The following ALPK1 variants were observed in gnomAD, a reference collection of about 807,000 sequenced individuals.
The protein encoded by ALPK1 is alpha-protein kinase 1.
A neutral mutation model predicts 120.6 loss-of-function variants in ALPK1; 110 were observed. The observed-to-expected ratio is 0.91, with a 90% CI of 0.78 to 1.07. The LOEUF (loss-of-function observed/expected upper bound fraction) is 1.07. ALPK1 is among the 50% of genes least tolerant of loss of function. The probability of loss-of-function intolerance (pLI) is 0.00; values close to 1 mark genes in which losing one functional copy is unlikely to be tolerated. For missense variants in ALPK1, 1,498 were observed against 1,483.9 expected, an observed-to-expected ratio of 1.01 and a Z score of -0.16; for synonymous variants, 582 against 560.3, an observed-to-expected ratio of 1.04 and a Z score of -0.55.
intron 2 of ALPK1, chr4:112,358,520 G>T (rs2148715284): frequency 1.5e-6 from 1 of 677,856 alleles, no homozygotes; most frequent in South Asian, 1.6e-5. Context: ...AGCTGCTGGG[G>T]ACCCGGAGGG....
chr4:112,346,896 G>A (rs765230968), intron 2 of ALPK1, among the ~76,000 whole-genome samples: 1 of 152,080 alleles, frequency 6.6e-6, no homozygotes, highest in African/African-American at 2.4e-5. Context: ...CATAAATAAC[G>A]ACCCCACTTC....
At chr4:112,387,689 A>G (rs1306614240) in intron 4 of ALPK1, among the ~76,000 whole-genome samples, 4 of 152,192 alleles carry the variant, frequency 2.6e-5, no homozygotes, top group African/African-American at 9.7e-5. Context: ...CATAATAATA[A>G]TAATAATAAA....
At chr4:112,332,574 G>A (rs562676840) in intron 2 of ALPK1, among the ~76,000 whole-genome samples, 20 of 152,314 alleles carry the variant, frequency 1.3e-4, no homozygotes, top group African/African-American at 4.8e-4. Flanking sequence ...AAATGATCAA[G>A]GTCCCTGAAT....
chr4:112,369,650 T>G (rs1452083279), intron 2 of ALPK1, among the ~76,000 whole-genome samples: 1 of 151,760 alleles, frequency 6.6e-6, no homozygotes, highest in Admixed American at 6.6e-5. Context: ...ACCACTCCAC[T>G]CCAGCCTGGG....
At chr4:112,360,005 A>G (rs1165545280) in intron 2 of ALPK1, among the ~76,000 whole-genome samples, 1 of 152,094 alleles carries the variant, frequency 6.6e-6, no homozygotes, top group African/African-American at 2.4e-5. Flanking sequence ...ACCAGATACA[A>G]CAGACCTCTT....
At chr4:112,413,697 G>A (rs1182955825) in intron 5 of ALPK1, among the ~76,000 whole-genome samples, 3 of 152,204 alleles carry the variant, frequency 2.0e-5, no homozygotes, top group Admixed American at 1.3e-4. Flanking sequence ...GGGATTACAG[G>A]TGCAAGCTGC....
intron 2 of ALPK1, among the ~76,000 whole-genome samples, chr4:112,334,349 C>A (rs1381288497): frequency 6.6e-6 from 1 of 151,026 alleles, no homozygotes; most frequent in East Asian, 2.0e-4. Context: ...ATAAGAATCG[C>A]TTGAACCTGG....
chr4:112,414,624 G>C (rs1348523435), intron 5 of ALPK1: 1 of 177,840 alleles, frequency 5.6e-6, no homozygotes, highest in Non-Finnish European at 1.2e-5. Flanking sequence ...AAAAAAAAGA[G>C]AGACGACTCA....
chr4:112,325,666 C>T (rs1348930051), intron 2 of ALPK1, among the ~76,000 whole-genome samples: 1 of 152,142 alleles, frequency 6.6e-6, no homozygotes, highest in East Asian at 1.9e-4. Context: ...GCCTCCCTGC[C>T]CCACTTTGTC....
chr4:112,408,211 G>A (rs181047274), intron 4 of ALPK1, among the ~76,000 whole-genome samples: 52 of 152,240 alleles, frequency 3.4e-4, no homozygotes, highest in African/African-American at 1.2e-3. Flanking sequence ...TACCCCCCAA[G>A]GTCCATAGCC....
intron 2 of ALPK1, among the ~76,000 whole-genome samples, chr4:112,322,874 C>G (rs1384854555): frequency 8.5e-5 from 13 of 152,124 alleles, no homozygotes; most frequent in Non-Finnish European, 1.2e-4. Flanking sequence ...AATAACATTA[C>G]TAAAGAGTAT....
intron 2 of ALPK1, among the ~76,000 whole-genome samples, chr4:112,324,639 G>T (rs1438179438): frequency 5.3e-5 from 8 of 152,028 alleles, no homozygotes; most frequent in Admixed American, 1.3e-4. Context: ...ACCACTACAG[G>T]CTAATATTTT....
intron 5 of ALPK1, chr4:112,414,402 T>A (rs573408439): frequency 4.2e-4 from 185 of 437,590 alleles, no homozygotes; most frequent in Non-Finnish European, 7.8e-4. Context: ...AAGTCAGGAG[T>A]TCGAGACCAG....
At chr4:112,336,358 A>G (rs207464971) in intron 2 of ALPK1, among the ~76,000 whole-genome samples, 1 of 152,236 alleles carries the variant, frequency 6.6e-6, no homozygotes, top group Non-Finnish European at 1.5e-5. Context: ...TGTTAAATCC[A>G]GGGAAGACAG....
chr4:112,323,555 G>A (rs1029785104), intron 2 of ALPK1, among the ~76,000 whole-genome samples: 9 of 152,190 alleles, frequency 5.9e-5, no homozygotes, highest in African/African-American at 1.7e-4. Context: ...TGAAAAGCAT[G>A]GAATTGGTAA....
At chr4:112,341,747 G>A (rs1435790424) in intron 2 of ALPK1, among the ~76,000 whole-genome samples, 1 of 152,144 alleles carries the variant, frequency 6.6e-6, no homozygotes, top group Non-Finnish European at 1.5e-5. Context: ...GTTTAGTGTT[G>A]ATTCTTTTCT....
intron 2 of ALPK1, among the ~76,000 whole-genome samples, chr4:112,337,511 G>A (rs1295363695): frequency 6.6e-6 from 1 of 152,092 alleles, no homozygotes. Flanking sequence ...CTGGGCAACA[G>A]TAGTGAGACT....
intron 2 of ALPK1, among the ~76,000 whole-genome samples, chr4:112,344,133 G>A (rs2148707513): frequency 6.6e-6 from 1 of 152,262 alleles, no homozygotes; most frequent in East Asian, 1.9e-4. Context: ...AGAAAAGCGG[G>A]GAAAAAATCT....
At chr4:112,380,627 C>T (rs1342912889) in intron 3 of ALPK1, among the ~76,000 whole-genome samples, 5 of 151,748 alleles carry the variant, frequency 3.3e-5, no homozygotes, top group Admixed American at 2.6e-4. Context: ...TTCTTTTGTT[C>T]TTTCTGTCAT....
Sources: gnomAD v4.1 joint callset for allele counts (sites outside exome capture counted in the v4.1 genomes callset) on GRCh38, gnomAD v4.1.1 for gene constraint, MANE v1.5 for transcripts, NCBI Gene and HGNC (gene_info 2026-07-23, HGNC 2026-07-21) for gene names.